Variants in OXA1L observed in about 807,000 individuals in gnomAD.
OXA1L encodes mitochondrial inner membrane protein OXA1L.
A neutral mutation model predicts 52.2 loss-of-function variants in OXA1L; 42 were observed. The ratio of observed to expected loss-of-function variants is 0.80; its 90% confidence interval spans 0.63 to 1.04. The LOEUF is 1.04. Among genes scored for constraint, OXA1L ranks in the 50% least tolerant of loss-of-function variants. The pLI is 0.00. For synonymous variants in OXA1L, 239 were observed against 201.9 expected, an observed-to-expected ratio of 1.18 and a Z score of -1.56; for missense variants, 572 against 555.0, an observed-to-expected ratio of 1.03 and a Z score of -0.31.
intron 3 of OXA1L, 112 bp from the exon 4 acceptor site, chr14:22,769,679 A>G: frequency 8.7e-7 from 1 of 1,148,034 alleles, no homozygotes; most frequent in Non-Finnish European, 1.3e-6. Flanking sequence ...GGCATGAGTC[A>G]TAGAATGGAC....
chr14:22,772,538 C>A lies in OXA1L; in HGVS notation c.*980C>A, dbSNP rs1338668215. 7.0e-6 allele frequency: 1 copy of A among 143,180 alleles called. No individual in the cohort carries two copies. Among genetic ancestry groups the A allele is most frequent in the Non-Finnish European group, 1.5e-5 (1 of 66,728 alleles). 8.9% of individuals were successfully genotyped at this position (143,180 alleles called of 1,614,324 possible). A position where few individuals can be genotyped will look rare whatever the true frequency, so the allele number is the denominator to read the frequency against. ...AAAAAAACAGTTTAAACTTCCAACC[C>A]ATGCATGTGTTGTTCTATGCACATT... On this transcript the variant is annotated 3_prime_UTR_variant, in exon 10 of 10. Coordinates refer to ENST00000612549, the MANE Select transcript of OXA1L (RefSeq NM_005015.5).
chr14:22,768,295 C>A, intron 3 of OXA1L, 124 bp downstream of exon 3: 1 of 715,372 alleles, frequency 1.4e-6, no homozygotes, highest in Non-Finnish European at 2.4e-6. Context: ...TTCAAATGAG[C>A]AATAGAGGTT....
In OXA1L at chr14:22,771,529, A is replaced by G. The variant is rs574772237; in HGVS notation, c.1279A>G (p.Lys427Glu). Residue 427 changes from lysine to glutamate, a missense_variant, in exon 10 of 10, where the codon AAG (lysine) becomes GAG (glutamate). By Grantham distance (56) the Lys-to-Glu change is moderately conservative. Coordinates refer to ENST00000612549, the MANE Select transcript of OXA1L (RefSeq NM_005015.5). Reference sequence around the variant, plus strand: ...TAGCAGCAGCAGCAAACCAAAGTCAAAGTATCCCTGGCACGACACACTTGG... The same window carrying G: ...TAGCAGCAGCAGCAAACCAAAGTCAGAGTATCCCTGGCACGACACACTTGG... ...IPSSSSKPKS[K>E]YPWHDTLG The G allele has an allele frequency of 5.0e-5, 81 of 1,614,178 alleles. No individual in the cohort carries two copies. The South Asian group carries it at 8.3e-4, about 17-fold the overall frequency.
Position 22,768,157 on chromosome 14 carries a change from G to A in OXA1L, c.425G>A (p.Gly142Glu), listed in dbSNP as rs1453134881. The change falls in exon 3 of 10, where the codon GGG (glycine) becomes GAG (glutamate). Residue 142 changes from glycine (G) to glutamate (E), a missense_variant. Around this residue, in one of 5 missense-constraint regions of OXA1L, gnomAD observed 132 missense variants for 124.0 expected, o/e 1.06. Transcript: ENST00000612549. ...MHVDLGLPWW[G>E]AIAACTVFAR... The stretch of plus-strand genomic sequence containing the variant: ...GTTGATCTGGGCCTACCTTGGTGGG[G>A]GGCCATTGCTGCATGTAAGGGGAAT... The A allele has an allele frequency of 1.2e-6, 2 of 1,613,770 alleles. No individual in the cohort carries two copies. The highest frequency in any genetic ancestry group is 2.2e-5 in the East Asian group (1 of 44,882).
intron 3 of OXA1L, 119 bp from the exon 4 acceptor site, chr14:22,769,672 A>G: frequency 9.7e-7 from 1 of 1,033,864 alleles, no homozygotes; most frequent in Non-Finnish European, 1.5e-6. Context: ...CCTCTTAGGC[A>G]TGAGTCATAG....
Position 22,771,520 on chromosome 14 carries a change from C to G in OXA1L, c.1270C>G (p.Pro424Ala), listed in dbSNP as rs761831754. The change falls in exon 10 of 10, where the codon CCA becomes GCA. Residue 424 changes from proline (P) to alanine (A), a missense_variant. Pro to Ala is a conservative substitution (Grantham distance 27). Transcript: ENST00000612549. ...PPNIPSSSSK[P>A]KSKYPWHDTL... is the part of the protein sequence containing the mutation. ...CAATATCCCTAGCAGCAGCAGCAAA[C>G]CAAAGTCAAAGTATCCCTGGCACGA... is the stretch of plus-strand genomic sequence containing the variant. The G allele has an allele frequency of 1.3e-6, 2 of 1,553,020 alleles. No individual in the cohort carries two copies. Among genetic ancestry groups the G allele is most frequent in the South Asian group, 2.3e-5 (2 of 87,850 alleles).
At position 22,772,306 on chromosome 14, in the gene OXA1L, A is replaced by C. The variant is rs539334009; in HGVS notation, c.*748A>C. On this transcript the variant is annotated 3_prime_UTR_variant, in exon 10 of 10. Transcript: ENST00000612549. ...GAGACCATCCTGGCCAACATGGTGA[A>C]ACCCCGTCTCTACTAAAAAAAAAAA... is the stretch of plus-strand genomic sequence containing the variant. The C allele has an allele frequency of 7.0e-6, 1 of 143,006 alleles. No individual in the cohort carries two copies. Among genetic ancestry groups the C allele is most frequent in the Non-Finnish European group, 1.5e-5 (1 of 65,910 alleles). The allele number at this position is 143,006 out of a possible 1,614,324, so 8.9% of individuals were successfully genotyped here. A position where few individuals can be genotyped will look rare whatever the true frequency, so the allele number is the denominator to read the frequency against.
chr14:22,771,059 G>T lies in OXA1L; in HGVS notation c.981G>T (p.Leu327=), dbSNP rs1454602714. 1.2e-6 allele frequency: 2 copies of T among 1,614,058 alleles called. No individual in the cohort carries two copies. Among genetic ancestry groups the T allele is most frequent in the Non-Finnish European group, 1.7e-6 (2 of 1,180,008 alleles). The change falls in exon 8 of 10, where the codon CTG becomes CTT. Residue 327 remains leucine, a synonymous_variant. Coordinates refer to ENST00000612549, the MANE Select transcript of OXA1L (RefSeq NM_005015.5). ...MYWLSSNLFS[L]VQVSCLRIPA... ...GGCTCTCCTCCAATTTGTTTTCCCT[G>T]GTCCAAGTATCCTGTCTCCGGATTC...
rs373675870 is a variant in OXA1L, at chr14:22,769,829, G to A, written c.478G>A (p.Val160Met). The change falls in exon 4 of 10, where the codon GTG becomes ATG. Residue 160 changes from valine to methionine, a missense_variant. Transcript: ENST00000612549. ...CCGCTGCCTGATTTTTCCTCTCATC[G>A]TGACGGGCCAGCGAGAGGCAGCCAG... is the stretch of plus-strand genomic sequence containing the variant. ...FARCLIFPLI[V>M]TGQREAARIH... is the part of the protein sequence containing the mutation. 41 of 1,613,950 alleles carry A rather than the reference G, an allele frequency of 2.5e-5. No individual in the cohort carries two copies. The East Asian group carries it at 4.9e-4, about 19-fold the overall frequency.
Position 22,771,337 on chromosome 14 carries a change from T to C in OXA1L, c.1172T>C (p.Leu391Pro). The C allele has an allele frequency of 6.2e-7, 1 of 1,614,228 alleles. No homozygotes were observed. Among genetic ancestry groups the C allele is most frequent in the Non-Finnish European group, 8.5e-7 (1 of 1,180,000 alleles). ...CAACGCATGCGGAATCAGTTGGAGC[T>C]AGCAGCCAGGGGTAAATAGTCCTTT... ...REQRMRNQLE[L>P]AARGPLRQTF... The change falls in exon 9 of 10, where the codon CTA becomes CCA. Residue 391 changes from leucine (L) to proline (P), a missense_variant. Physicochemically the swap from Leu to Pro is moderately conservative, Grantham distance 98. Transcript: ENST00000612549.
rs1566435816 is a variant in OXA1L at position 22,771,559 on chromosome 14, CTTATG to C, written c.*4_*8del. ...TCCCTGGCACGACACACTTGGCTGA[CTTATG>C]TTCTGTGCGCATTCTGGCAGGAATT... On this transcript the variant is annotated 3_prime_UTR_variant, in exon 10 of 10. Coordinates refer to ENST00000612549, the MANE Select transcript of OXA1L (RefSeq NM_005015.5). The C allele has an allele frequency of 6.2e-7, 1 of 1,614,200 alleles. No homozygotes were observed. The highest frequency in any genetic ancestry group is 1.1e-5 in the South Asian group (1 of 91,090).
chr14:22,772,497 A>AAACAAAAAC lies in OXA1L; in HGVS notation c.*941_*942insCAAAAACAA, dbSNP rs1439221090. 166 of 34,206 alleles carry AAACAAAAAC rather than the reference A, an allele frequency of 4.9e-3. 3 individuals carry two copies. The highest frequency in any genetic ancestry group is 0.011 in the African/African-American group (162 of 14,474). The allele number at this position is 34,206 out of a possible 1,614,324, so 2.1% of individuals were successfully genotyped here. Reference sequence around the variant, plus strand: ...GAGTGAGACTCCTTCTCAAAAAAAAAAAAAAAAAAAAAAAAAAAAAAACAG... The same window carrying AAACAAAAAC: ...GAGTGAGACTCCTTCTCAAAAAAAAAAACAAAAACAAAAAAAAAAAAAAAAAAAAAACAG... On this transcript the variant is annotated 3_prime_UTR_variant, in exon 10 of 10. Coordinates refer to ENST00000612549, the MANE Select transcript of OXA1L (RefSeq NM_005015.5).
intron 1 of OXA1L, chr14:22,766,992 G>T (rs207474506): frequency 2.0e-6 from 3 of 1,532,364 alleles, no homozygotes; most frequent in Non-Finnish European, 2.6e-6. Flanking sequence ...AGAGCACCTC[G>T]GCCTCGTTCT....
At chr14:22,770,667 T>C (rs1465019002) in intron 6 of OXA1L, 42 bp downstream of exon 6, 3 of 1,596,606 alleles carry the variant, frequency 1.9e-6, no homozygotes, top group African/African-American at 2.7e-5. Context: ...CAAAGTGAAC[T>C]GGGGTTGGAG....
chr14:22,767,591 A>G, intron 2 of OXA1L, 182 bp downstream of exon 2: 1 of 573,810 alleles, frequency 1.7e-6, no homozygotes, highest in South Asian at 2.4e-5. Flanking sequence ...AATGATTGAA[A>G]GTACAACAGG....
rs1422142806 is a variant in OXA1L at position 22,770,838 on chromosome 14, C to T, written c.868C>T (p.Leu290Phe). The T allele has an allele frequency of 6.2e-7, 1 of 1,614,180 alleles. No individual in the cohort carries two copies. Among genetic ancestry groups the T allele is most frequent in the East Asian group, 2.2e-5 (1 of 44,894 alleles). ...GAETGVQSSD[L>F]QWMRNVIRMM... Reference sequence around the variant, plus strand: ...TGAGACAGGTGTGCAAAGTTCTGACCTTCAGTGGATGAGAAATGTCATCAG... The same window carrying T: ...TGAGACAGGTGTGCAAAGTTCTGACTTTCAGTGGATGAGAAATGTCATCAG... The change falls in exon 7 of 10, where the codon CTT becomes TTT. Residue 290 changes from leucine to phenylalanine, a missense_variant. Leu to Phe is a conservative substitution (Grantham distance 22, BLOSUM62 0). Around this residue, in one of 5 missense-constraint regions of OXA1L, gnomAD observed 244 missense variants for 240.2 expected, o/e 1.02. Transcript: ENST00000612549.
intron 2 of OXA1L, 69 bp downstream of exon 2, chr14:22,767,478 T>C: frequency 1.4e-6 from 2 of 1,411,766 alleles, no homozygotes; most frequent in Non-Finnish European, 1.9e-6. Context: ...TTTGTTTTGT[T>C]TGGGAGCAGG....
At chr14:22,766,806 C>T in intron 1 of OXA1L, 42 bp downstream of exon 1, 1 of 1,611,466 alleles carries the variant, frequency 6.2e-7, no homozygotes. Context: ...GCTGCCCTGA[C>T]CCAGTGAACC....
intron 2 of OXA1L, 103 bp downstream of exon 2, chr14:22,767,512 TC>T: frequency 1.1e-6 from 1 of 949,024 alleles, no homozygotes; most frequent in Non-Finnish European, 1.6e-6. Flanking sequence ...AGAGTTCTTG[TC>T]CACGCTCCAC....
Sources: allele counts gnomAD v4.1 joint callset, GRCh38; gene constraint gnomAD v4.1.1; regional missense constraint gnomAD v4.1.1; transcripts MANE v1.5; gene names NCBI Gene and HGNC (gene_info 2026-07-23, HGNC 2026-07-21).